RANBP2: variants seen among roughly 807,000 people sequenced by gnomAD.
The protein encoded by RANBP2 is RAN binding protein 2.
A neutral mutation model predicts 303.6 loss-of-function variants in RANBP2; 57 were observed. The observed-to-expected ratio is 0.19, with a 90% CI of 0.15 to 0.23. RANBP2 has a LOEUF of 0.23. RANBP2 is among the 10% of genes least tolerant of loss of function. The pLI is 1.00. For missense variants in RANBP2, 3,138 were observed against 3,780.8 expected (o/e 0.83, Z 4.46); for synonymous variants, 1,167 against 1,301.5 (o/e 0.90, Z 2.23).
At chr2:109,453,690 G>A in the RANBP2 span, among the ~76,000 whole-genome samples, 1 of 152,238 alleles carries the variant, frequency 6.6e-6, no homozygotes, top group South Asian at 2.1e-4. Flanking sequence ...ATGATGGAAA[G>A]GTCAACCCTG....
chr2:109,505,824 T>C, the RANBP2 span, among the ~76,000 whole-genome samples: 1 of 152,088 alleles, frequency 6.6e-6, no homozygotes, highest in African/African-American at 2.4e-5. Flanking sequence ...TACTCCCTAA[T>C]AGAATTGATA....
At chr2:109,095,936 G>A in the RANBP2 span, among the ~76,000 whole-genome samples, 1 of 152,210 alleles carries the variant, frequency 6.6e-6, no homozygotes, top group African/African-American at 2.4e-5. Context: ...GGGAAAAACG[G>A]GAGGTGAGAG....
the RANBP2 span, among the ~76,000 whole-genome samples, chr2:108,932,528 C>CAAAAAAAAAAAAAAAA: frequency 2.6e-5 from 1 of 39,156 alleles, no homozygotes; most frequent in Admixed American, 2.6e-4. Flanking sequence ...GACTCTGTCT[C>CAAAAAAAAAAAAAAAA]AAAAAAAAAA....
chr2:109,615,506 C>CG, the RANBP2 span: 1 of 1,613,796 alleles, frequency 6.2e-7, no homozygotes, highest in African/African-American at 1.3e-5. Context: ...CCAGGACGAG[C>CG]GGGGGTTACA....
the RANBP2 span, chr2:109,737,293 T>G: frequency 3.0e-6 from 2 of 670,954 alleles, no homozygotes; most frequent in African/African-American, 1.8e-5. Flanking sequence ...TTTGGAAAAA[T>G]GCACCTTGGA....
At chr2:109,636,063 A>G in the RANBP2 span, among the ~76,000 whole-genome samples, 1 of 152,200 alleles carries the variant, frequency 6.6e-6, no homozygotes, top group African/African-American at 2.4e-5. Context: ...CTCTTCCTCC[A>G]TGTGAGGATA....
the RANBP2 span, among the ~76,000 whole-genome samples, chr2:109,710,381 C>CAAAAA: frequency 1.0e-4 from 15 of 144,686 alleles, 1 homozygote; most frequent in South Asian, 4.4e-4. Context: ...GATTCTATCT[C>CAAAAA]AAAAAAAAAA....
At chr2:109,613,739 G>A in the RANBP2 span, 4 of 1,124,156 alleles carry the variant, frequency 3.6e-6, no homozygotes, top group African/African-American at 1.6e-5. Context: ...GTCGAGGGCG[G>A]GAAGTCCCGC....
At chr2:108,727,760 G>A (rs879811425) in intron 1 of RANBP2, among the ~76,000 whole-genome samples, 7 of 151,968 alleles carry the variant, frequency 4.6e-5, no homozygotes, top group Non-Finnish European at 7.4e-5. Context: ...GTGCCACCAT[G>A]CCCAGCTAAT....
intron 25 of RANBP2, among the ~76,000 whole-genome samples, 172 bp from the exon 26 acceptor site, chr2:108,781,097 A>G (rs1364337798): frequency 6.6e-6 from 1 of 152,178 alleles, no homozygotes; most frequent in Non-Finnish European, 1.5e-5. Context: ...TCGGCCTCCC[A>G]AAGTGCTGGG....
Position 108,764,663 on chromosome 2 carries a change from G to C in RANBP2, c.4124G>C (p.Cys1375Ser). 3 of 1,614,000 alleles carry C rather than the reference G, an allele frequency of 1.9e-6. No individual in the cohort carries two copies. The highest frequency in any genetic ancestry group is 2.5e-6 in the Non-Finnish European group (3 of 1,179,974). ...TCAACTGCTAAGAAATGTGTATCAT[G>C]CCAAAATCTAAACCCAAGCAATAAA... ...NASTAKKCVS[C>S]QNLNPSNKEL... Residue 1375 changes from cysteine to serine, a missense_variant, in exon 20 of 29, where the codon TGC (cysteine) becomes TCC (serine). By Grantham distance (112) the Cys-to-Ser change is moderately radical. Transcript: ENST00000283195.
the RANBP2 span, among the ~76,000 whole-genome samples, chr2:108,901,877 G>A: frequency 8.5e-5 from 13 of 152,178 alleles, no homozygotes; most frequent in Admixed American, 8.5e-4. Flanking sequence ...GCCGAGGTGG[G>A]TATATTGCTT....
At chr2:108,878,347 G>A in the RANBP2 span, 1 of 203,252 alleles carries the variant, frequency 4.9e-6, no homozygotes, top group South Asian at 9.5e-5. Context: ...GTGATTTCAG[G>A]CCAAGAAACA....
At chr2:109,350,674 C>G in the RANBP2 span, among the ~76,000 whole-genome samples, 1 of 152,216 alleles carries the variant, frequency 6.6e-6, no homozygotes, top group African/African-American at 2.4e-5. Context: ...CACGGTGGGT[C>G]CGACCCACCT....
At chr2:109,501,801 T>TA in the RANBP2 span, 3 of 612,924 alleles carry the variant, frequency 4.9e-6, no homozygotes, top group African/African-American at 5.5e-5. Context: ...GGGGATACCC[T>TA]GGCCCAGGGT....
the RANBP2 span, among the ~76,000 whole-genome samples, chr2:109,443,073 T>C: frequency 5.3e-5 from 8 of 152,226 alleles, no homozygotes; most frequent in African/African-American, 1.9e-4. Flanking sequence ...TATGAAGTTA[T>C]CATGAACACT....
At chr2:109,187,071 A>G in the RANBP2 span, among the ~76,000 whole-genome samples, 1 of 150,178 alleles carries the variant, frequency 6.7e-6, no homozygotes, top group Non-Finnish European at 1.5e-5. Flanking sequence ...GGATCATTTA[A>G]GCATATTTTG....
At chr2:109,507,111 C>A in the RANBP2 span, among the ~76,000 whole-genome samples, 1 of 152,160 alleles carries the variant, frequency 6.6e-6, no homozygotes, top group African/African-American at 2.4e-5. Flanking sequence ...GGGCAAAACG[C>A]TAGCAGGGAG....
the RANBP2 span, among the ~76,000 whole-genome samples, chr2:109,548,278 A>C: frequency 6.6e-6 from 1 of 152,198 alleles, no homozygotes; most frequent in African/African-American, 2.4e-5. Flanking sequence ...CTACATTTTA[A>C]AAGATAACCT....
Sources: gnomAD v4.1 joint callset for allele counts (sites outside exome capture counted in the v4.1 genomes callset) on GRCh38, gnomAD v4.1.1 for gene constraint, MANE v1.5 for transcripts, NCBI Gene and HGNC (gene_info 2026-07-23, HGNC 2026-07-21) for gene names.